LTBP1: variants seen among roughly 807,000 people sequenced by gnomAD.
LTBP1 encodes the protein latent-transforming growth factor beta-binding protein 1.
A neutral mutation model predicts 207.6 loss-of-function variants in LTBP1; 129 were observed. The ratio of observed to expected loss-of-function variants is 0.62; its 90% CI spans 0.54 to 0.72. The LOEUF is 0.72. Ranked by LOEUF, LTBP1 falls within the 30% of genes least tolerant of loss-of-function variation. The pLI is 0.00. For synonymous variants in LTBP1, 963 were observed against 833.7 expected (o/e 1.16, Z -2.67); for missense variants, 2,281 against 2,217.2 (o/e 1.03, Z -0.58).
chr2:33,378,790 C>T (rs990941064), intron 31 of LTBP1, among the ~76,000 whole-genome samples: 2 of 152,186 alleles, frequency 1.3e-5, no homozygotes, highest in Admixed American at 6.5e-5. Flanking sequence ...GTCTGTTAAA[C>T]AGTGACCTCA....
chr2:33,363,613 A>G (rs901112323), intron 29 of LTBP1, 95 bp downstream of exon 29: 19 of 1,321,758 alleles, frequency 1.4e-5, no homozygotes, highest in East Asian at 2.4e-5. Context: ...CCTTGAATCT[A>G]AATCATGTGT....
At chr2:33,372,644 T>G (rs921717672) in intron 31 of LTBP1, among the ~76,000 whole-genome samples, 1 of 151,900 alleles carries the variant, frequency 6.6e-6, no homozygotes, top group Non-Finnish European at 1.5e-5. Flanking sequence ...GAGGCAGAGG[T>G]GGGCAGATCA....
At chr2:32,964,933 G>C (rs1038463863) in intron 2 of LTBP1, among the ~76,000 whole-genome samples, 1 of 151,988 alleles carries the variant, frequency 6.6e-6, no homozygotes, top group Non-Finnish European at 1.5e-5. Flanking sequence ...CCAGCTACTC[G>C]GGAGGCTGAG....
At chr2:33,200,588 A>G (rs531310648) in intron 7 of LTBP1, among the ~76,000 whole-genome samples, 2,559 of 152,210 alleles carry the variant, frequency 0.017, 65 homozygotes, top group African/African-American at 0.057. Context: ...TGTCTAAAAC[A>G]CCAAAAGCAA....
intron 2 of LTBP1, among the ~76,000 whole-genome samples, chr2:33,010,251 G>A (rs185511682): frequency 2.6e-5 from 4 of 152,320 alleles, no homozygotes; most frequent in South Asian, 2.1e-4. Flanking sequence ...GTGGAAAAGC[G>A]GAAAAGTGGA....
chr2:33,342,536 G>A (rs1391641648), intron 24 of LTBP1, among the ~76,000 whole-genome samples: 2 of 152,196 alleles, frequency 1.3e-5, no homozygotes, highest in African/African-American at 2.4e-5. Flanking sequence ...ATAAAGAGTC[G>A]AGAACGTTTA....
At chr2:33,007,753 G>C (rs1687127081) in intron 2 of LTBP1, among the ~76,000 whole-genome samples, 1 of 152,254 alleles carries the variant, frequency 6.6e-6, no homozygotes, top group South Asian at 2.1e-4. Flanking sequence ...GGATGAATTT[G>C]GTGCATAGGA....
chr2:33,184,558 C>T (rs77616901), intron 5 of LTBP1, among the ~76,000 whole-genome samples: 2,252 of 152,260 alleles, frequency 0.015, 22 homozygotes, highest in East Asian at 0.027. Context: ...ATTTTAACTT[C>T]CTAGAAATGT....
At chr2:33,217,194 AACAG>A (rs1339677312) in intron 7 of LTBP1, among the ~76,000 whole-genome samples, 1 of 152,188 alleles carries the variant, frequency 6.6e-6, no homozygotes, top group Admixed American at 6.5e-5. Flanking sequence ...AAGAGATTTA[AACAG>A]ACAGATACAA....
At chr2:33,036,751 C>A (rs1170564703) in intron 3 of LTBP1, among the ~76,000 whole-genome samples, 1 of 152,160 alleles carries the variant, frequency 6.6e-6, no homozygotes, top group South Asian at 2.1e-4. Flanking sequence ...AGACACTGTG[C>A]CCAGCCTCGT....
rs145932826 is a variant in LTBP1 at position 33,099,060 on chromosome 2, T to A, written c.864-11522T>A. Among the ~76,000 whole-genome samples, 7 of 152,358 alleles carry A rather than the reference T, an allele frequency of 4.6e-5. No individual in the cohort carries two copies. The East Asian group carries it at 1.4e-3, about 29-fold the overall frequency. On this transcript the variant is annotated intron_variant, in intron 3 of 33. Transcript: ENST00000404816. ...TCCAGACATATTGAAATAAGCCATA[T>A]ATTTTTTTCTCCAGATATATTGGCT...
At chr2:33,068,153 T>C (rs2077611762) in intron 3 of LTBP1, among the ~76,000 whole-genome samples, 2 of 126,206 alleles carry the variant, frequency 1.6e-5, no homozygotes, top group African/African-American at 2.9e-5. Context: ...ACATTTGCGA[T>C]TCTTTTTTTG....
At chr2:33,246,801 G>T (rs146382168) in intron 10 of LTBP1, among the ~76,000 whole-genome samples, 3 of 152,150 alleles carry the variant, frequency 2.0e-5, no homozygotes, top group Non-Finnish European at 4.4e-5. Flanking sequence ...TCTCCTTGCC[G>T]CTTGCCTTGG....
chr2:33,143,789 T>TG (rs1395851085), intron 5 of LTBP1, among the ~76,000 whole-genome samples: 1 of 70,928 alleles, frequency 1.4e-5, no homozygotes, highest in African/African-American at 5.5e-5. Flanking sequence ...TTTTTGTTGT[T>TG]TTTTTTTTTT....
chr2:33,344,242 A>G (rs1381567771), intron 25 of LTBP1, among the ~76,000 whole-genome samples: 2 of 152,260 alleles, frequency 1.3e-5, no homozygotes, highest in Non-Finnish European at 2.9e-5. Context: ...AATTATTCAC[A>G]ACAAGACATA....
In LTBP1 at chr2:33,090,626, C is replaced by T. The variant is rs781542217; in HGVS notation, c.864-19956C>T. Among the ~76,000 whole-genome samples, 6 of 151,980 alleles carry T rather than the reference C, an allele frequency of 3.9e-5. No individual in the cohort carries two copies. In the South Asian group the frequency reaches 1.0e-3, roughly 26 times the overall value. Reference sequence around the variant, plus strand: ...GCTTGGAAAGTTTAAGTGATTTGTCCGTGGTTGTGTAACTAGGGGGTAGGG... The same window carrying T: ...GCTTGGAAAGTTTAAGTGATTTGTCTGTGGTTGTGTAACTAGGGGGTAGGG... On this transcript the variant is annotated intron_variant, in intron 3 of 33. Coordinates refer to ENST00000404816, the MANE Select transcript of LTBP1 (RefSeq NM_206943.4).
chr2:33,394,166 C>T (rs1322590692), intron 32 of LTBP1, among the ~76,000 whole-genome samples: 2 of 151,846 alleles, frequency 1.3e-5, no homozygotes, highest in Admixed American at 6.6e-5. Flanking sequence ...GTAAATTTGT[C>T]TAAGTTCTTT....
At chr2:33,094,148 C>T (rs72793753) in intron 3 of LTBP1, among the ~76,000 whole-genome samples, 1 of 151,920 alleles carries the variant, frequency 6.6e-6, no homozygotes, top group Non-Finnish European at 1.5e-5. Flanking sequence ...ATTAATAGTT[C>T]TGCAAAACAA....
intron 7 of LTBP1, among the ~76,000 whole-genome samples, chr2:33,216,340 A>G (rs1663208907): frequency 1.3e-5 from 2 of 152,138 alleles, no homozygotes; most frequent in Admixed American, 6.5e-5. Context: ...TGGGAAAGAA[A>G]AAAGGGGAGG....
Sources: gnomAD v4.1 joint callset for allele counts (sites outside exome capture counted in the v4.1 genomes callset) on GRCh38, gnomAD v4.1.1 for gene constraint, MANE v1.5 for transcripts, NCBI Gene and HGNC (gene_info 2026-07-23, HGNC 2026-07-21) for gene names.